The following CPA6 variants were observed in gnomAD, a reference collection of about 807,000 sequenced individuals.
The protein encoded by CPA6 is carboxypeptidase B.
A neutral mutation model predicts 63.3 loss-of-function variants in CPA6; 58 were observed. That is an observed-to-expected ratio of 0.92 (90% CI 0.74 to 1.14). The LOEUF (loss-of-function observed/expected upper bound fraction) is 1.14. Ranked by LOEUF, CPA6 falls within the 50% of genes most tolerant of loss-of-function variation. CPA6 has a pLI of 0.00. For missense variants in CPA6, 565 were observed against 526.6 expected, an observed-to-expected ratio of 1.07 and a Z score of -0.71; for synonymous variants, 185 against 179.0, an observed-to-expected ratio of 1.03 and a Z score of -0.27.
At chr8:67,674,684 G>A (rs1011812203) in intron 1 of CPA6, among the ~76,000 whole-genome samples, 1 of 152,020 alleles carries the variant, frequency 6.6e-6, no homozygotes, top group Non-Finnish European at 1.5e-5. Flanking sequence ...TATACCTAAA[G>A]GAAAATAGAT....
intron 1 of CPA6, among the ~76,000 whole-genome samples, chr8:67,702,012 A>G (rs1817034619): frequency 6.6e-6 from 1 of 152,034 alleles, no homozygotes; most frequent in African/African-American, 2.4e-5. Context: ...GGGCTCTCCT[A>G]CTCTCAAGTG....
intron 6 of CPA6, among the ~76,000 whole-genome samples, chr8:67,505,090 C>T (rs1255991996): frequency 6.6e-6 from 1 of 152,154 alleles, no homozygotes; most frequent in Non-Finnish European, 1.5e-5. Flanking sequence ...GCCCAGGTTA[C>T]AGTGCTGCTG....
In CPA6 at chr8:67,643,966, A is replaced by AAC. The variant is rs557617308; in HGVS notation, c.117-19717_117-19716dup. Among the ~76,000 whole-genome samples, 121 of 152,286 alleles carry AAC rather than the reference A, an allele frequency of 7.9e-4. 1 individual carries two copies. The highest frequency in any genetic ancestry group is 2.2e-3 in the Admixed American group (34 of 15,302). On this transcript the variant is annotated intron_variant, in intron 1 of 10. Transcript: ENST00000297770. Reference sequence around the variant, plus strand: ...GTGGGTTTACTACACTGAAAGAATTAACACTTATCCTGAGAAAGAAAATAA... The same window carrying AAC: ...GTGGGTTTACTACACTGAAAGAATTAACACACTTATCCTGAGAAAGAAAATAA...
intron 2 of CPA6, among the ~76,000 whole-genome samples, chr8:67,613,846 GA>G (rs2128985468): frequency 6.6e-6 from 1 of 152,236 alleles, no homozygotes; most frequent in East Asian, 1.9e-4. Flanking sequence ...CCAGGCTTCA[GA>G]AATAGACCAG....
chr8:67,473,176 C>T (rs1422272872), intron 8 of CPA6, among the ~76,000 whole-genome samples: 1 of 152,148 alleles, frequency 6.6e-6, no homozygotes, highest in Non-Finnish European at 1.5e-5. Flanking sequence ...TTTGTATTTT[C>T]TTTAAATCTT....
intron 2 of CPA6, among the ~76,000 whole-genome samples, chr8:67,593,723 T>G (rs1174370449): frequency 2.0e-5 from 3 of 150,904 alleles, no homozygotes; most frequent in African/African-American, 7.3e-5. Flanking sequence ...CCTTTTTTTG[T>G]TTTCCATTTG....
At chr8:67,631,189 G>A (rs899332439) in intron 1 of CPA6, among the ~76,000 whole-genome samples, 1 of 152,252 alleles carries the variant, frequency 6.6e-6, no homozygotes, top group African/African-American at 2.4e-5. Flanking sequence ...CCTGAGTTGG[G>A]TGGGGACTTG....
chr8:67,698,321 G>A (rs953560457), intron 1 of CPA6, among the ~76,000 whole-genome samples: 6 of 152,186 alleles, frequency 3.9e-5, no homozygotes, highest in African/African-American at 1.2e-4. Context: ...GTAGGGCTCA[G>A]TAATTGGTGT....
At chr8:67,441,959 G>A (rs1040478579) in intron 8 of CPA6, among the ~76,000 whole-genome samples, 10 of 152,086 alleles carry the variant, frequency 6.6e-5, no homozygotes, top group African/African-American at 2.2e-4. Flanking sequence ...CATGCAGGGT[G>A]AACAGTGGGG....
chr8:67,733,214 AAAAAAAAAAAT>A (rs1817745765), intron 1 of CPA6, among the ~76,000 whole-genome samples: 4 of 131,238 alleles, frequency 3.0e-5, no homozygotes, highest in South Asian at 2.3e-4. Flanking sequence ...AAAAAAAAAA[AAAAAAAAAAAT>A]AAAAAAATTT....
chr8:67,606,667 T>C (rs924264964), intron 2 of CPA6, among the ~76,000 whole-genome samples: 54 of 152,338 alleles, frequency 3.5e-4, no homozygotes, highest in African/African-American at 1.2e-3. Context: ...TCTGCGGGCA[T>C]GACAAAGACT....
intron 2 of CPA6, among the ~76,000 whole-genome samples, chr8:67,605,026 C>T (rs1468926168): frequency 6.6e-6 from 1 of 151,584 alleles, no homozygotes; most frequent in African/African-American, 2.4e-5. Flanking sequence ...GATCCACATG[C>T]CTTGGCCTCC....
intron 9 of CPA6, among the ~76,000 whole-genome samples, chr8:67,431,401 C>T (rs138130671): frequency 5.9e-5 from 9 of 151,830 alleles, no homozygotes; most frequent in East Asian, 3.9e-4. Flanking sequence ...CCACCAGGCC[C>T]GGCTAATTTT....
In CPA6 at chr8:67,524,704, C is replaced by T. The variant is rs146245359; in HGVS notation, c.193-6657G>A. On this transcript the variant is annotated intron_variant, in intron 2 of 10. Transcript: ENST00000297770. ...ACCTTTTTTGAGGACACCATTCAAC[C>T]TACTACAATTGTAATGTTAATATTT... Among the ~76,000 whole-genome samples, 190 of 151,868 alleles carry T rather than the reference C, an allele frequency of 1.3e-3. 2 individuals carry two copies. Among genetic ancestry groups the T allele is most frequent in the Non-Finnish European group, 4.4e-4 (30 of 67,980 alleles).
chr8:67,496,517 GTTTA>G (rs1171364678), intron 6 of CPA6, among the ~76,000 whole-genome samples: 8 of 47,416 alleles, frequency 1.7e-4, no homozygotes, highest in African/African-American at 7.7e-4. Flanking sequence ...CCACTATATA[GTTTA>G]TATATATATA....
chr8:67,680,876 T>G (rs967101113), intron 1 of CPA6, among the ~76,000 whole-genome samples: 11 of 152,242 alleles, frequency 7.2e-5, no homozygotes, highest in African/African-American at 2.4e-4. Flanking sequence ...ACTAATTATA[T>G]TGAATACCTT....
chr8:67,464,338 T>C (rs1370679559), intron 8 of CPA6, among the ~76,000 whole-genome samples: 1 of 152,218 alleles, frequency 6.6e-6, no homozygotes, highest in Non-Finnish European at 1.5e-5. Flanking sequence ...GAAATGTCTG[T>C]TCATATCTTT....
intron 2 of CPA6, among the ~76,000 whole-genome samples, chr8:67,600,765 C>A (rs972402946): frequency 6.6e-6 from 1 of 152,126 alleles, no homozygotes; most frequent in Non-Finnish European, 1.5e-5. Context: ...AATTTAGATA[C>A]GTTTTTAATA....
At chr8:67,663,889 C>T (rs1409090591) in intron 1 of CPA6, among the ~76,000 whole-genome samples, 1 of 151,950 alleles carries the variant, frequency 6.6e-6, no homozygotes, top group Non-Finnish European at 1.5e-5. Flanking sequence ...ACAATGAATT[C>T]CTTAATTCTT....
Sources: gnomAD v4.1 joint callset for allele counts (sites outside exome capture counted in the v4.1 genomes callset) on GRCh38, gnomAD v4.1.1 for gene constraint, MANE v1.5 for transcripts, NCBI Gene and HGNC (gene_info 2026-07-23, HGNC 2026-07-21) for gene names.